Variants in CABLES1 observed in about 807,000 individuals in gnomAD.
CABLES1 encodes the protein CDK5 and ABL1 enzyme substrate 1.
A neutral mutation model predicts 57.8 loss-of-function variants in CABLES1; 36 were observed. The observed-to-expected ratio is 0.62, with a 90% CI of 0.48 to 0.82. The LOEUF (loss-of-function observed/expected upper bound fraction) is 0.82. Among genes scored for constraint, CABLES1 ranks in the 40% least tolerant of loss-of-function variants. CABLES1 has a pLI of 0.00. For synonymous variants in CABLES1, 374 were observed against 363.0 expected (o/e 1.03, Z -0.35); for missense variants, 767 against 836.6 (o/e 0.92, Z 1.03).
chr18:23,161,754 C>CAAAAAAAAAAAAAAAA lies in CABLES1; in HGVS notation c.845+25153_845+25168dup, dbSNP rs1184010487. On this transcript the variant is annotated intron_variant, in intron 1 of 9. Coordinates refer to ENST00000256925, the MANE Select transcript of CABLES1 (RefSeq NM_001100619.3). ...TGAAACCCCGTCTCTACTAAAAATC[C>CAAAAAAAAAAAAAAAA]AAAAAAAAAAAAAAAAAAAAAGCCA... Among the ~76,000 whole-genome samples the CAAAAAAAAAAAAAAAA allele has an allele frequency of 1.2e-4, 4 of 33,156 alleles. 1 individual carries two copies. Among genetic ancestry groups the CAAAAAAAAAAAAAAAA allele is most frequent in the African/African-American group, 1.5e-4 (2 of 13,288 alleles). The allele number at this position is 33,156 out of a possible 152,430, so 21.8% of individuals were successfully genotyped here.
rs1448960097 is a variant in CABLES1, at chr18:23,234,509, T to G, written c.1089-99T>G. 4.1e-5 allele frequency: 37 copies of G among 895,244 alleles called. No individual in the cohort carries two copies. In the Middle Eastern group the frequency reaches 6.6e-4, roughly 16 times the overall value. The allele number at this position is 895,244 out of a possible 1,614,324, so 55.5% of individuals were successfully genotyped here. On this transcript the variant is annotated intron_variant, in intron 4 of 9. Transcript: ENST00000256925. ...CATCACCAGGGCTCACCTGGTCATT[T>G]TCATCGGTGTGACTGTGTTGTCTCA... is the stretch of plus-strand genomic sequence containing the variant.
chr18:23,251,446 G>T (rs762842353), intron 7 of CABLES1, among the ~76,000 whole-genome samples: 3 of 151,890 alleles, frequency 2.0e-5, no homozygotes, highest in Non-Finnish European at 4.4e-5. Flanking sequence ...GCATGACTCC[G>T]TCTCAAAAAA....
At position 23,205,350 on chromosome 18, in the gene CABLES1, C is replaced by T. The variant is rs564851247; in HGVS notation, c.1011-8627C>T. ...CTGGGATTATAGGTGTCTGCCACCA[C>T]GCCCAGCTAATTTTTGTATTTTTAG... On this transcript the variant is annotated intron_variant, in intron 3 of 9. Transcript: ENST00000256925. Among the ~76,000 whole-genome samples, 5 of 152,084 alleles carry T rather than the reference C, an allele frequency of 3.3e-5. No individual in the cohort carries two copies. In the South Asian group the frequency reaches 8.3e-4, roughly 25 times the overall value.
chr18:23,246,480 C>T (rs1196810872), intron 7 of CABLES1, among the ~76,000 whole-genome samples: 2 of 152,040 alleles, frequency 1.3e-5, no homozygotes, highest in Admixed American at 6.6e-5. Context: ...CAAGCTCCGC[C>T]TCCCGGGTTC....
Position 23,236,061 on chromosome 18 carries a change from G to C in CABLES1, c.1342+10G>C. 6.2e-7 allele frequency: 1 copy of C among 1,613,578 alleles called. No homozygotes were observed. Among genetic ancestry groups the C allele is most frequent in the Non-Finnish European group, 8.5e-7 (1 of 1,179,914 alleles). On this transcript the variant is annotated intron_variant, in intron 6 of 9. Coordinates refer to ENST00000256925, the MANE Select transcript of CABLES1 (RefSeq NM_001100619.3). ...GGGAGCCTCGACACAGGTAACCTTG[G>C]CCTGGCTGGGTCTGGTAGCTCGTGG...
chr18:23,156,232 GATAAGA>G (rs1246047200), intron 1 of CABLES1, among the ~76,000 whole-genome samples: 1 of 152,184 alleles, frequency 6.6e-6, no homozygotes, highest in Non-Finnish European at 1.5e-5. Context: ...CTCTCACATG[GATAAGA>G]AGGAACCTCG....
Position 23,138,895 on chromosome 18 carries a change from G to C in CABLES1, c.845+2288G>C, listed in dbSNP as rs1010521271. Among the ~76,000 whole-genome samples, 8 of 152,142 alleles carry C rather than the reference G, an allele frequency of 5.3e-5. 1 individual carries two copies. In the South Asian group the frequency reaches 1.7e-3, roughly 32 times the overall value. On this transcript the variant is annotated intron_variant, in intron 1 of 9. Coordinates refer to ENST00000256925, the MANE Select transcript of CABLES1 (RefSeq NM_001100619.3). ...CTTGCTGCTCCAGAATGTGGGCTTT[G>C]CACCTTCAGCTTCACTGGGAGCAGT... is the stretch of plus-strand genomic sequence containing the variant.
At chr18:23,207,957 A>G (rs1483951355) in intron 3 of CABLES1, among the ~76,000 whole-genome samples, 1 of 152,176 alleles carries the variant, frequency 6.6e-6, no homozygotes, top group Admixed American at 6.5e-5. Context: ...TCTCAGATGC[A>G]TCAGACCATT....
At chr18:23,206,224 C>T (rs1406087919) in intron 3 of CABLES1, among the ~76,000 whole-genome samples, 2 of 152,166 alleles carry the variant, frequency 1.3e-5, no homozygotes, top group Non-Finnish European at 2.9e-5. Context: ...GAGTGCTCCT[C>T]CACACCATGG....
intron 4 of CABLES1, chr18:23,219,191 G>C: frequency 4.4e-6 from 2 of 454,136 alleles, no homozygotes; most frequent in Non-Finnish European, 8.8e-6. Flanking sequence ...GGGTACACTG[G>C]TGAAAGAGAA....
chr18:23,250,252 GC>G (rs2048004923), intron 7 of CABLES1, among the ~76,000 whole-genome samples: 1 of 152,230 alleles, frequency 6.6e-6, no homozygotes, highest in South Asian at 2.1e-4. Context: ...CTTTACTTGA[GC>G]CTGCTCACAT....
chr18:23,195,452 CT>C (rs1356173105), intron 3 of CABLES1, among the ~76,000 whole-genome samples: 2 of 152,172 alleles, frequency 1.3e-5, no homozygotes, highest in Non-Finnish European at 2.9e-5. Context: ...GCTAAAAAGT[CT>C]TTTAGTTAGA....
At chr18:23,188,514 T>C (rs2047218486) in intron 1 of CABLES1, among the ~76,000 whole-genome samples, 1 of 149,792 alleles carries the variant, frequency 6.7e-6, no homozygotes, top group Non-Finnish European at 1.5e-5. Context: ...GCTCAAGTTA[T>C]CCTGTATATT....
intron 1 of CABLES1, among the ~76,000 whole-genome samples, chr18:23,150,331 C>T (rs2046920570): frequency 6.6e-6 from 1 of 151,694 alleles, no homozygotes; most frequent in Non-Finnish European, 1.5e-5. Context: ...GCCTCAGCCT[C>T]CCGAGTAGCT....
intron 1 of CABLES1, among the ~76,000 whole-genome samples, chr18:23,186,445 G>A (rs568221656): frequency 1.4e-4 from 20 of 147,744 alleles, no homozygotes; most frequent in Non-Finnish European, 2.1e-4. Flanking sequence ...TTTTCCCCAA[G>A]ACGGAGTTTT....
At chr18:23,136,878 G>A (rs765653143) in intron 1 of CABLES1, among the ~76,000 whole-genome samples, 10 of 152,358 alleles carry the variant, frequency 6.6e-5, no homozygotes, top group Non-Finnish European at 1.5e-4. Flanking sequence ...AGTTGCAGGA[G>A]CCCAGTAGAA....
chr18:23,244,666 A>G (rs572595371), intron 7 of CABLES1, among the ~76,000 whole-genome samples: 4 of 152,332 alleles, frequency 2.6e-5, no homozygotes, highest in South Asian at 2.1e-4. Flanking sequence ...AAAGCAAAAG[A>G]GCCTAATTTC....
chr18:23,148,723 C>CAGCT (rs2046908855), intron 1 of CABLES1, among the ~76,000 whole-genome samples: 2 of 152,140 alleles, frequency 1.3e-5, no homozygotes, highest in African/African-American at 4.8e-5. Context: ...GCCTTCAGGT[C>CAGCT]AGCTGTGACC....
chr18:23,231,492 T>C (rs1450487445), intron 4 of CABLES1, among the ~76,000 whole-genome samples: 1 of 152,210 alleles, frequency 6.6e-6, no homozygotes, highest in Non-Finnish European at 1.5e-5. Context: ...TTGCTTATTT[T>C]CTTACTCGGC....
Sources: gnomAD v4.1 joint callset for allele counts (sites outside exome capture counted in the v4.1 genomes callset) on GRCh38, gnomAD v4.1.1 for gene constraint, MANE v1.5 for transcripts, NCBI Gene and HGNC (gene_info 2026-07-23, HGNC 2026-07-21) for gene names.